PLEKHA7: variants seen among roughly 807,000 people sequenced by gnomAD.
PLEKHA7 encodes the protein pleckstrin homology domain-containing family A member 7.
In PLEKHA7, 104 loss-of-function variants were observed where a neutral mutation model predicts 170.0. The observed-to-expected ratio is 0.61, with a 90% confidence interval of 0.52 to 0.72. The LOEUF is 0.72. Among genes scored for constraint, PLEKHA7 ranks in the 30% least tolerant of loss-of-function variants. The pLI is 0.00. For synonymous variants in PLEKHA7, 648 were observed against 660.8 expected (o/e 0.98, Z 0.30); for missense variants, 1,615 against 1,671.7 (o/e 0.97, Z 0.59).
chr11:16,785,737 T>C (rs1236802636), intron 24 of PLEKHA7, among the ~76,000 whole-genome samples: 1 of 152,190 alleles, frequency 6.6e-6, no homozygotes, highest in Admixed American at 6.5e-5. Context: ...AACTCTGCAC[T>C]GTCTCCTAGC....
chr11:16,780,299 T>A (rs1252941394), intron 26 of PLEKHA7, among the ~76,000 whole-genome samples: 1 of 152,212 alleles, frequency 6.6e-6, no homozygotes, highest in Non-Finnish European at 1.5e-5. Flanking sequence ...CTCTCATCAC[T>A]AGATGCCCAC....
chr11:16,820,012 A>T (rs1478509791), intron 10 of PLEKHA7, among the ~76,000 whole-genome samples: 1 of 152,286 alleles, frequency 6.6e-6, no homozygotes, highest in Non-Finnish European at 1.5e-5. Context: ...TAATCATTTC[A>T]TAATGTATAC....
intron 3 of PLEKHA7, among the ~76,000 whole-genome samples, chr11:16,949,850 G>A (rs1324323291): frequency 6.6e-6 from 1 of 152,038 alleles, no homozygotes; most frequent in African/African-American, 2.4e-5. Flanking sequence ...AACCAAACTG[G>A]AGACAAACAG....
At chr11:16,967,812 GAC>G (rs141318655) in intron 3 of PLEKHA7, among the ~76,000 whole-genome samples, 3,051 of 151,968 alleles carry the variant, frequency 0.02, 112 homozygotes, top group African/African-American at 0.07. Flanking sequence ...ACCCCCATTT[GAC>G]ACACACACAC....
In PLEKHA7 at chr11:16,782,606, C is replaced by A. The variant is rs116620953; in HGVS notation, c.3793+148G>T. The A allele has an allele frequency of 3.1e-5, 31 of 1,014,286 alleles. 2 individuals carry two copies. The highest frequency in any genetic ancestry group is 3.2e-4 in the Middle Eastern group (1 of 3,146). 62.8% of individuals were successfully genotyped at this position (1,014,286 alleles called of 1,614,324 possible). On this transcript the variant is annotated intron_variant, in intron 26 of 26. Transcript: ENST00000531066. The stretch of plus-strand genomic sequence containing the variant: ...CTGCTGTGCTCATGGGACAGGATGC[C>A]GAGTGGTCAGGGGAACACACCACTG...
intron 3 of PLEKHA7, among the ~76,000 whole-genome samples, chr11:17,006,168 C>T (rs1864976106): frequency 6.6e-6 from 1 of 151,554 alleles, no homozygotes; most frequent in South Asian, 2.1e-4. Flanking sequence ...GTCAGGAGTT[C>T]AAGACCAGCC....
intron 4 of PLEKHA7, among the ~76,000 whole-genome samples, chr11:16,865,354 C>G (rs1374840259): frequency 6.6e-6 from 1 of 152,202 alleles, no homozygotes; most frequent in African/African-American, 2.4e-5. Context: ...GCTACAGAAC[C>G]CATTGACTGA....
intron 3 of PLEKHA7, among the ~76,000 whole-genome samples, chr11:16,917,513 C>T (rs901402422): frequency 6.6e-6 from 1 of 152,190 alleles, no homozygotes; most frequent in Non-Finnish European, 1.5e-5. Context: ...CCATTCCTTG[C>T]CTCTTCCAGC....
intron 3 of PLEKHA7, among the ~76,000 whole-genome samples, chr11:16,968,027 G>A (rs1862479693): frequency 6.6e-6 from 1 of 152,168 alleles, no homozygotes; most frequent in African/African-American, 2.4e-5. Context: ...AGGGAAAGAA[G>A]AAGGGAGAAG....
intron 3 of PLEKHA7, among the ~76,000 whole-genome samples, chr11:16,876,669 T>C (rs1006660918): frequency 6.6e-6 from 1 of 152,202 alleles, no homozygotes; most frequent in African/African-American, 2.4e-5. Context: ...GTGAGGACCA[T>C]AGAGAACTGG....
intron 3 of PLEKHA7, among the ~76,000 whole-genome samples, chr11:16,949,197 C>T (rs191285398): frequency 3.3e-4 from 50 of 152,234 alleles, no homozygotes; most frequent in African/African-American, 1.2e-3. Flanking sequence ...CATCTGCCTC[C>T]TTTGTGCTCC....
rs568718448 is a variant in PLEKHA7, at chr11:17,002,989, C to CTTTTTTTTTTTTTTT, written c.221+10985_221+10999dup. Among the ~76,000 whole-genome samples, 8 of 113,018 alleles carry CTTTTTTTTTTTTTTT rather than the reference C, an allele frequency of 7.1e-5. 3 individuals carry two copies. Among genetic ancestry groups the CTTTTTTTTTTTTTTT allele is most frequent in the South Asian group, 3.1e-4 (1 of 3,194 alleles). 74.1% of individuals were successfully genotyped at this position (113,018 alleles called of 152,430 possible). On this transcript the variant is annotated intron_variant, in intron 3 of 26. Transcript: ENST00000531066. ...CCTTTAAGTACCAGAATAGTTGTGCCTTTTTTTTTTTTTTTTTTTTGTGAT... is the reference window on the plus strand; with the variant it reads ...CCTTTAAGTACCAGAATAGTTGTGCCTTTTTTTTTTTTTTTTTTTTTTTTTTTTTTTTTTTGTGAT...
intron 8 of PLEKHA7, among the ~76,000 whole-genome samples, chr11:16,844,924 C>T (rs1399767739): frequency 6.6e-6 from 1 of 152,156 alleles, no homozygotes. Flanking sequence ...GAAAGGCACC[C>T]TACCAAAGTT....
intron 3 of PLEKHA7, among the ~76,000 whole-genome samples, chr11:16,885,866 G>A (rs1436527832): frequency 2.6e-5 from 4 of 152,006 alleles, no homozygotes; most frequent in East Asian, 1.9e-4. Flanking sequence ...GTGTGGTGGC[G>A]CATGCCTGTA....
chr11:17,013,946 C>CCA lies in PLEKHA7; in HGVS notation c.221+42_221+43insTG, dbSNP rs1555002828. The CCA allele has an allele frequency of 4.5e-5, 67 of 1,501,844 alleles. 1 individual carries two copies. In the East Asian group the frequency reaches 5.1e-4, roughly 11 times the overall value. 93.0% of individuals were successfully genotyped at this position (1,501,844 alleles called of 1,614,324 possible). ...CCGGCGGGAACGGGGAGGGACCCCCCCCCCGCGGCACAGGTGCGAGCGCGG... is the reference window on the plus strand; with the variant it reads ...CCGGCGGGAACGGGGAGGGACCCCCCCACCCCGCGGCACAGGTGCGAGCGCGG... On this transcript the variant is annotated intron_variant, in intron 3 of 26. Transcript: ENST00000531066.
At chr11:16,795,145 GTGCTAGAACCAAGCC>G (rs1185805934) in intron 17 of PLEKHA7, 127 bp from the exon 18 acceptor site, 1 of 687,090 alleles carries the variant, frequency 1.5e-6, no homozygotes, top group African/African-American at 1.8e-5. Flanking sequence ...AACCCCACTA[GTGCTAGAACCAAGCC>G]TGCTTCATAG....
intron 3 of PLEKHA7, among the ~76,000 whole-genome samples, chr11:16,919,586 C>T (rs1481640136): frequency 6.6e-6 from 1 of 151,954 alleles, no homozygotes; most frequent in Admixed American, 6.6e-5. Flanking sequence ...GAGTCAGGAG[C>T]CCAGGAGTTG....
intron 3 of PLEKHA7, among the ~76,000 whole-genome samples, chr11:16,890,871 TA>T (rs1485296560): frequency 6.6e-6 from 1 of 152,124 alleles, no homozygotes; most frequent in East Asian, 1.9e-4. Flanking sequence ...ATGTATTGCT[TA>T]AAAATATGTA....
intron 3 of PLEKHA7, among the ~76,000 whole-genome samples, chr11:16,957,780 T>C (rs902984490): frequency 6.9e-6 from 1 of 145,524 alleles, no homozygotes; most frequent in Non-Finnish European, 1.5e-5. Context: ...CTCAGATCAC[T>C]GTAACCTCCA....
Sources: allele counts gnomAD v4.1 joint callset (sites outside exome capture counted in the v4.1 genomes callset), GRCh38; gene constraint gnomAD v4.1.1; transcripts MANE v1.5; gene names NCBI Gene and HGNC (gene_info 2026-07-23, HGNC 2026-07-21).